Variants in SCHIP1 observed in about 807,000 individuals in gnomAD.
The protein encoded by SCHIP1 is schwannomin interacting protein 1.
Under a neutral mutation model 29.7 loss-of-function variants are expected in SCHIP1, and 8 were observed. The ratio of observed to expected loss-of-function variants is 0.27; its 90% CI spans 0.16 to 0.49. The LOEUF (loss-of-function observed/expected upper bound fraction) is 0.49. Among genes scored for constraint, SCHIP1 ranks in the 20% least tolerant of loss-of-function variants. SCHIP1 has a pLI of 0.99. For missense variants in SCHIP1, 193 were observed against 294.6 expected (o/e 0.66, Z 2.52); for synonymous variants, 76 against 94.9 (o/e 0.80, Z 1.16).
chr3:159,367,581 A>T, the SCHIP1 span, among the ~76,000 whole-genome samples: 1 of 152,208 alleles, frequency 6.6e-6, no homozygotes, highest in African/African-American at 2.4e-5. Flanking sequence ...CAAATAATAG[A>T]TGCATAACTG....
chr3:159,533,630 C>T, the SCHIP1 span, among the ~76,000 whole-genome samples: 1 of 152,126 alleles, frequency 6.6e-6, no homozygotes, highest in African/African-American at 2.4e-5. Flanking sequence ...CTGTCTGCCC[C>T]CCCACATCTC....
chr3:159,395,418 T>C, the SCHIP1 span, among the ~76,000 whole-genome samples: 1 of 152,250 alleles, frequency 6.6e-6, no homozygotes, highest in Admixed American at 6.5e-5. Context: ...TGTTAGGGTG[T>C]CAATTTTGGA....
At chr3:159,329,863 G>GCT in the SCHIP1 span, among the ~76,000 whole-genome samples, 1 of 149,068 alleles carries the variant, frequency 6.7e-6, no homozygotes, top group African/African-American at 2.6e-5. Context: ...GCACAGCACC[G>GCT]TTAGTATTTT....
At chr3:159,849,592 T>C (rs2109085983) in intron 1 of SCHIP1, among the ~76,000 whole-genome samples, 1 of 152,268 alleles carries the variant, frequency 6.6e-6, no homozygotes, top group Middle Eastern at 3.4e-3. Flanking sequence ...AAGAGCCATT[T>C]GTATGGTCTT....
At chr3:159,290,182 G>C in the SCHIP1 span, among the ~76,000 whole-genome samples, 2 of 152,212 alleles carry the variant, frequency 1.3e-5, no homozygotes, top group Non-Finnish European at 2.9e-5. Flanking sequence ...GCGGCTATAA[G>C]AGGGAGTGAA....
chr3:159,815,302 G>A, the SCHIP1 span, among the ~76,000 whole-genome samples: 1 of 152,186 alleles, frequency 6.6e-6, no homozygotes, highest in Non-Finnish European at 1.5e-5. Flanking sequence ...TTGGTAAGCT[G>A]TAATTTACCT....
the SCHIP1 span, among the ~76,000 whole-genome samples, chr3:159,308,943 T>A: frequency 6.6e-6 from 1 of 152,060 alleles, no homozygotes; most frequent in Non-Finnish European, 1.5e-5. Flanking sequence ...ATGTCCTCAC[T>A]TATAAATGGG....
chr3:159,613,344 C>A, the SCHIP1 span, among the ~76,000 whole-genome samples: 1 of 152,068 alleles, frequency 6.6e-6, no homozygotes, highest in African/African-American at 2.4e-5. Context: ...ACACTTCATT[C>A]AGAGCAATCA....
At chr3:159,423,918 G>A in the SCHIP1 span, among the ~76,000 whole-genome samples, 1 of 152,060 alleles carries the variant, frequency 6.6e-6, no homozygotes, top group African/African-American at 2.4e-5. Flanking sequence ...CCGCTGTTCT[G>A]CAAACACCGC....
At chr3:159,873,766 G>A (rs186325808) in intron 2 of SCHIP1, among the ~76,000 whole-genome samples, 22 of 152,046 alleles carry the variant, frequency 1.4e-4, no homozygotes, top group Admixed American at 5.9e-4. Flanking sequence ...AAGTGTTTCC[G>A]TAAAAAGTTT....
chr3:159,436,191 G>C, the SCHIP1 span, among the ~76,000 whole-genome samples: 4 of 152,148 alleles, frequency 2.6e-5, no homozygotes, highest in Non-Finnish European at 5.9e-5. Flanking sequence ...ACACACCCAT[G>C]CACACTCTTG....
At chr3:159,500,570 TG>T in the SCHIP1 span, among the ~76,000 whole-genome samples, 2 of 151,778 alleles carry the variant, frequency 1.3e-5, no homozygotes, top group African/African-American at 4.8e-5. Context: ...AAAAATTAGC[TG>T]GGTGTGGTGG....
chr3:159,659,707 CT>C, the SCHIP1 span, among the ~76,000 whole-genome samples: 1 of 151,906 alleles, frequency 6.6e-6, no homozygotes, highest in Admixed American at 6.6e-5. Context: ...TGAATCATGC[CT>C]TTTTGTGGTG....
the SCHIP1 span, among the ~76,000 whole-genome samples, chr3:159,325,898 C>A: frequency 2.6e-5 from 4 of 152,150 alleles, no homozygotes; most frequent in East Asian, 7.7e-4. Flanking sequence ...GAAAAGTTTG[C>A]ATTACTGTAG....
the SCHIP1 span, among the ~76,000 whole-genome samples, chr3:159,425,955 C>A: frequency 3.9e-5 from 6 of 152,160 alleles, no homozygotes; most frequent in South Asian, 1.0e-3. Context: ...GGGTACATAA[C>A]GAAATGAAGG....
the SCHIP1 span, among the ~76,000 whole-genome samples, chr3:159,822,137 A>G: frequency 6.6e-6 from 1 of 152,176 alleles, no homozygotes; most frequent in South Asian, 2.1e-4. Flanking sequence ...GACACTGTAT[A>G]TTTTTCTCCA....
the SCHIP1 span, among the ~76,000 whole-genome samples, chr3:159,452,833 T>C: frequency 3.3e-4 from 46 of 137,968 alleles, no homozygotes; most frequent in African/African-American, 1.2e-3. Context: ...TCTGAAAACA[T>C]TTCTTTTATA....
the SCHIP1 span, among the ~76,000 whole-genome samples, chr3:159,675,921 C>G: frequency 1.3e-5 from 2 of 151,188 alleles, no homozygotes; most frequent in Non-Finnish European, 2.9e-5. Flanking sequence ...CACCTGAGGT[C>G]GGGAGTTCAA....
chr3:159,833,832 G>T, the SCHIP1 span, among the ~76,000 whole-genome samples: 2 of 152,112 alleles, frequency 1.3e-5, no homozygotes, highest in African/African-American at 4.8e-5. Context: ...TAACTTCCCT[G>T]TTTCTTTTCA....
Sources: allele counts gnomAD v4.1 joint callset (sites outside exome capture counted in the v4.1 genomes callset), GRCh38; gene constraint gnomAD v4.1.1; transcripts MANE v1.5; gene names NCBI Gene and HGNC (gene_info 2026-07-23, HGNC 2026-07-21).